BICD2: variants seen among roughly 807,000 people sequenced by gnomAD.
The protein encoded by BICD2 is protein bicaudal D homolog 2.
Under a neutral mutation model 72.9 loss-of-function variants are expected in BICD2, and 25 were observed. The ratio of observed to expected loss-of-function variants is 0.34; its 90% confidence interval spans 0.25 to 0.48. BICD2 has a LOEUF of 0.48. Among genes scored for constraint, BICD2 ranks in the 20% least tolerant of loss-of-function variants. The probability of loss-of-function intolerance (pLI) is 0.99; values close to 1 mark genes in which losing one functional copy is unlikely to be tolerated. For missense variants in BICD2, 894 were observed against 1,175.2 expected, an observed-to-expected ratio of 0.76 and a Z score of 3.50; for synonymous variants, 501 against 516.1, an observed-to-expected ratio of 0.97 and a Z score of 0.40.
In BICD2 at chr9:92,715,097, G is replaced by A. The variant is rs1853274694; in HGVS notation, c.*57C>T. 5.9e-6 allele frequency: 9 copies of A among 1,525,698 alleles called. No individual in the cohort carries two copies. In the African/African-American group the frequency reaches 8.2e-5, roughly 14 times the overall value. The allele number at this position is 1,525,698 out of a possible 1,614,324, so 94.5% of individuals were successfully genotyped here. A position where few individuals can be genotyped will look rare whatever the true frequency, so the allele number is the denominator to read the frequency against. ...GACCTAGCACCGCCGTCCCGCTGCT[G>A]CTGGGTTAGTTGAGGTGAAGCAGAT... On this transcript the variant is annotated 3_prime_UTR_variant, in exon 7 of 7. Transcript: ENST00000356884.
At position 92,749,340 on chromosome 9, in the gene BICD2, G is replaced by A. The variant is rs541180029; in HGVS notation, c.240+15165C>T. ...ACACCACAGGAGGCTGAGGGGCACT[G>A]GCCCACCCTTCCTACTGGGTGGCTT... On this transcript the variant is annotated intron_variant, in intron 1 of 6. Coordinates refer to ENST00000356884, the MANE Select transcript of BICD2 (RefSeq NM_001003800.2). 5.9e-5 allele frequency among the ~76,000 whole-genome samples: 9 copies of A among 152,334 alleles called. No homozygotes were observed. In the East Asian group the frequency reaches 1.7e-3, roughly 29 times the overall value.
chr9:92,761,696 C>T (rs569914112), intron 1 of BICD2, among the ~76,000 whole-genome samples: 12 of 152,348 alleles, frequency 7.9e-5, no homozygotes, highest in African/African-American at 2.2e-4. Context: ...AAGTGTCTCA[C>T]GGCCACGCAG....
chr9:92,739,057 C>T (rs1298236453), intron 1 of BICD2, among the ~76,000 whole-genome samples: 4 of 152,206 alleles, frequency 2.6e-5, no homozygotes, highest in Non-Finnish European at 5.9e-5. Context: ...AGCCTGGCTG[C>T]CTCGGTTGGG....
chr9:92,739,159 C>CTGTGATGA (rs1853848910), intron 1 of BICD2, among the ~76,000 whole-genome samples: 2 of 152,228 alleles, frequency 1.3e-5, no homozygotes, highest in South Asian at 4.1e-4. Context: ...ATCCACTCGA[C>CTGTGATGA]GGGCTGTGAA....
rs534808695 is a variant in BICD2, at chr9:92,718,250, C to T, written c.2106+289G>A. On this transcript the variant is annotated intron_variant, in intron 5 of 6. Transcript: ENST00000356884. ...CTATGGCTCTCACATGTTTTCCCTC[C>T]AGTATCAGGAAGCACTACGAGGCAG... Among the ~76,000 whole-genome samples, 11 of 152,374 alleles carry T rather than the reference C, an allele frequency of 7.2e-5. No homozygotes were observed. In the East Asian group the frequency reaches 2.1e-3, roughly 29 times the overall value.
Position 92,760,448 on chromosome 9 carries a change from ACACAAGTGCCCAGTCGC to A in BICD2, c.240+4040_240+4056del, listed in dbSNP as rs1854348225. On this transcript the variant is annotated intron_variant, in intron 1 of 6. Transcript: ENST00000356884. Reference sequence around the variant, plus strand: ...GGCCAGGTCCCAGGATGATTGAGATACACAAGTGCCCAGTCGCCAGGCCCTACAGGAAGAAACAGCAC... The same window carrying A: ...GGCCAGGTCCCAGGATGATTGAGATACAGGCCCTACAGGAAGAAACAGCAC... Among the ~76,000 whole-genome samples the A allele has an allele frequency of 7.2e-5, 11 of 152,268 alleles. No homozygotes were observed. In the South Asian group the frequency reaches 2.3e-3, roughly 32 times the overall value.
intron 1 of BICD2, among the ~76,000 whole-genome samples, chr9:92,752,650 G>A (rs1854174130): frequency 6.6e-6 from 1 of 152,080 alleles, no homozygotes; most frequent in Non-Finnish European, 1.5e-5. Flanking sequence ...CATGCTACTG[G>A]GGAGACTGAG....
At chr9:92,738,967 G>A (rs914179633) in intron 1 of BICD2, among the ~76,000 whole-genome samples, 1 of 152,092 alleles carries the variant, frequency 6.6e-6, no homozygotes, top group South Asian at 2.1e-4. Flanking sequence ...TGTCCCTGAA[G>A]GGCCATGATG....
intron 1 of BICD2, 109 bp from the exon 2 acceptor site, chr9:92,729,345 G>T: frequency 1.7e-6 from 2 of 1,188,882 alleles, no homozygotes; most frequent in Admixed American, 4.2e-5. Context: ...CAACAACAAC[G>T]GGGACTGTGG....
intron 1 of BICD2, among the ~76,000 whole-genome samples, chr9:92,740,289 G>A (rs10821012): frequency 0.28 from 41,864 of 151,934 alleles, 6,883 homozygotes; most frequent in East Asian, 0.76. Context: ...GGTGTACCAC[G>A]GAACAAAGTA....
At chr9:92,726,885 C>A (rs1853578066) in intron 2 of BICD2, among the ~76,000 whole-genome samples, 1 of 152,192 alleles carries the variant, frequency 6.6e-6, no homozygotes, top group Non-Finnish European at 1.5e-5. Flanking sequence ...AGCAGGGTCA[C>A]CCAGCCCTCT....
chr9:92,739,188 C>T (rs1455182033), intron 1 of BICD2, among the ~76,000 whole-genome samples: 1 of 152,234 alleles, frequency 6.6e-6, no homozygotes, highest in East Asian at 1.9e-4. Context: ...GCTCAGCACC[C>T]ACCTTTCCAC....
At chr9:92,729,002 A>G in intron 2 of BICD2, 22 bp downstream of exon 2, 1 of 1,610,854 alleles carries the variant, frequency 6.2e-7, no homozygotes, top group Non-Finnish European at 8.5e-7. Context: ...GCCACAGACT[A>G]GGCCCCTCCT....
At chr9:92,746,656 C>G (rs769244694) in intron 1 of BICD2, among the ~76,000 whole-genome samples, 14 of 152,146 alleles carry the variant, frequency 9.2e-5, no homozygotes, top group South Asian at 2.1e-4. Context: ...TATGATGACA[C>G]AGTGGATGAT....
intron 1 of BICD2, among the ~76,000 whole-genome samples, chr9:92,750,364 T>C (rs1374893773): frequency 6.6e-6 from 1 of 152,164 alleles, no homozygotes; most frequent in African/African-American, 2.4e-5. Flanking sequence ...AGCAGCTTTA[T>C]TCATATTTGC....
At position 92,714,831 on chromosome 9, in the gene BICD2, G is replaced by C; in HGVS notation, c.*323C>G. The stretch of plus-strand genomic sequence containing the variant: ...GGAGCAGGACCAGGACTCCTCCCTT[G>C]GGTTTCCCCACGGGTGCGCAGGGCT... On this transcript the variant is annotated 3_prime_UTR_variant, in exon 7 of 7. Coordinates refer to ENST00000356884, the MANE Select transcript of BICD2 (RefSeq NM_001003800.2). 4.6e-6 allele frequency: 5 copies of C among 1,093,714 alleles called. No individual in the cohort carries two copies. The highest frequency in any genetic ancestry group is 5.6e-6 in the Non-Finnish European group (5 of 899,150). 67.8% of individuals were successfully genotyped at this position (1,093,714 alleles called of 1,614,324 possible).
intron 2 of BICD2, among the ~76,000 whole-genome samples, chr9:92,727,647 T>C (rs1034195255): frequency 6.6e-6 from 1 of 152,116 alleles, no homozygotes; most frequent in African/African-American, 2.4e-5. Context: ...CCAGGGACCA[T>C]CCCACCTCCA....
intron 1 of BICD2, among the ~76,000 whole-genome samples, chr9:92,752,240 A>G (rs546600485): frequency 1.3e-5 from 2 of 152,332 alleles, no homozygotes; most frequent in East Asian, 1.9e-4. Flanking sequence ...TAAAGAAACC[A>G]GGGCTTCTTG....
chr9:92,723,462 G>T (rs1322663895), intron 2 of BICD2, among the ~76,000 whole-genome samples: 1 of 152,220 alleles, frequency 6.6e-6, no homozygotes, highest in Non-Finnish European at 1.5e-5. Flanking sequence ...GGCCTGTCAC[G>T]AGAGGCCATG....
Sources: allele counts gnomAD v4.1 joint callset (sites outside exome capture counted in the v4.1 genomes callset), GRCh38; gene constraint gnomAD v4.1.1; transcripts MANE v1.5; gene names NCBI Gene and HGNC (gene_info 2026-07-23, HGNC 2026-07-21).